IGFL2: variants seen among roughly 807,000 people sequenced by gnomAD.
IGFL2 encodes the protein IGF like family member 2.
IGFL2 carries 7 observed loss-of-function variants against 13.9 expected under a neutral mutation model. The observed-to-expected ratio is 0.51, with a 90% confidence interval of 0.29 to 0.95. IGFL2 has a LOEUF of 0.95. Among genes scored for constraint, IGFL2 ranks in the 40% least tolerant of loss-of-function variants. IGFL2 has a pLI of 0.08. For synonymous variants in IGFL2, 55 were observed against 55.8 expected (o/e 0.99, Z 0.07); for missense variants, 138 against 147.8 (o/e 0.93, Z 0.34).
chr19:46,117,135 A>G, the IGFL2 span, among the ~76,000 whole-genome samples: 1 of 152,194 alleles, frequency 6.6e-6, no homozygotes, highest in Non-Finnish European at 1.5e-5. Context: ...TATTTTTAAA[A>G]TAATTTTAAG....
chr19:46,144,606 T>C (rs1348519978), upstream of IGFL2, among the ~76,000 whole-genome samples: 3 of 152,226 alleles, frequency 2.0e-5, no homozygotes, highest in Non-Finnish European at 4.4e-5. Context: ...GTATAAAATA[T>C]GTATTCAAAA....
the IGFL2 span, among the ~76,000 whole-genome samples, chr19:46,194,830 TTATA>T: frequency 0.012 from 578 of 46,758 alleles, 38 homozygotes; most frequent in African/African-American, 0.042. Context: ...CTTCCTCATT[TTATA>T]TATATATATA....
chr19:46,172,640 C>T, the IGFL2 span, among the ~76,000 whole-genome samples: 1 of 152,212 alleles, frequency 6.6e-6, no homozygotes, highest in Non-Finnish European at 1.5e-5. Context: ...TTTTAAATGC[C>T]AGCTTTAGCC....
chr19:46,101,689 C>T, the IGFL2 span, among the ~76,000 whole-genome samples: 1 of 152,244 alleles, frequency 6.6e-6, no homozygotes, highest in African/African-American at 2.4e-5. Flanking sequence ...AAGCAGCAGG[C>T]AGCTGCAGTT....
At chr19:46,194,848 ATATATTTTTTTTTTTTTTTT>A in the IGFL2 span, among the ~76,000 whole-genome samples, 568 of 33,970 alleles carry the variant, frequency 0.017, 16 homozygotes, top group East Asian at 0.11. Context: ...ATATATATAT[ATATATTTTTTTTTTTTTTTT>A]TTTTTTTTTT....
upstream of IGFL2, among the ~76,000 whole-genome samples, chr19:46,139,277 G>A (rs1160150201): frequency 6.6e-6 from 1 of 150,388 alleles, no homozygotes; most frequent in Non-Finnish European, 1.5e-5. Context: ...TCAGTCCCTT[G>A]GTGGGAGAAG....
the IGFL2 span, among the ~76,000 whole-genome samples, chr19:46,166,479 C>T: frequency 3.0e-4 from 46 of 152,228 alleles, 1 homozygote; most frequent in East Asian, 5.2e-3. Flanking sequence ...AGGACTGAGG[C>T]GAAATTAAAA....
the IGFL2 span, among the ~76,000 whole-genome samples, chr19:46,094,328 T>C: frequency 7.2e-4 from 109 of 152,120 alleles, no homozygotes; most frequent in African/African-American, 2.6e-3. Flanking sequence ...AGAAAACTTA[T>C]TTTGCAGAGG....
chr19:46,148,716 T>G (rs1227377668), intron 1 of IGFL2: 7 of 640,848 alleles, frequency 1.1e-5, no homozygotes, highest in South Asian at 4.1e-5. Context: ...TAGGTGAGAA[T>G]GGGTGTGGTG....
chr19:46,094,440 A>G, the IGFL2 span, among the ~76,000 whole-genome samples: 1 of 152,142 alleles, frequency 6.6e-6, no homozygotes, highest in African/African-American at 2.4e-5. Context: ...GCTGAAAGTG[A>G]AAGTCTCCAT....
chr19:46,198,785 G>A, the IGFL2 span, among the ~76,000 whole-genome samples: 19 of 152,304 alleles, frequency 1.2e-4, no homozygotes, highest in Admixed American at 5.9e-4. Context: ...GCAAAGAGAG[G>A]TGTTTAGGCT....
chr19:46,198,744 A>G, the IGFL2 span, among the ~76,000 whole-genome samples: 14 of 152,150 alleles, frequency 9.2e-5, no homozygotes, highest in Admixed American at 1.3e-4. Context: ...ATGCTCGGAG[A>G]AAATGAGTGA....
At chr19:46,176,389 C>T in the IGFL2 span, among the ~76,000 whole-genome samples, 6 of 152,246 alleles carry the variant, frequency 3.9e-5, no homozygotes, top group Admixed American at 2.0e-4. Flanking sequence ...TGAGGCCACT[C>T]GCCCACTTGG....
the IGFL2 span, among the ~76,000 whole-genome samples, chr19:46,183,185 C>G: frequency 6.6e-6 from 1 of 152,120 alleles, no homozygotes; most frequent in African/African-American, 2.4e-5. Context: ...GGGGACGTGC[C>G]ACATTTTTAA....
At chr19:46,193,684 C>G in the IGFL2 span, among the ~76,000 whole-genome samples, 7,473 of 152,250 alleles carry the variant, frequency 0.049, 271 homozygotes, top group Non-Finnish European at 0.079. Flanking sequence ...GCTTTGTGTC[C>G]TACCTCAAAC....
the IGFL2 span, among the ~76,000 whole-genome samples, chr19:46,101,451 C>A: frequency 4.6e-5 from 7 of 152,206 alleles, no homozygotes. Context: ...GGAGGCCTCG[C>A]CCAGTGAGGA....
chr19:46,112,733 A>T, the IGFL2 span, among the ~76,000 whole-genome samples: 1 of 152,224 alleles, frequency 6.6e-6, no homozygotes, highest in Non-Finnish European at 1.5e-5. Flanking sequence ...TGTCGCTGTG[A>T]TGGCTGCCAG....
At chr19:46,148,033 C>G (rs1973233057), upstream of IGFL2, 1 of 474,742 alleles carries the variant, frequency 2.1e-6, no homozygotes, top group Non-Finnish European at 3.7e-6. Context: ...GAAGCCTTTA[C>G]TCTGAGATTT....
At chr19:46,123,074 A>G in the IGFL2 span, among the ~76,000 whole-genome samples, 5 of 151,056 alleles carry the variant, frequency 3.3e-5, no homozygotes, top group Admixed American at 2.0e-4. Flanking sequence ...AAAGATTGGT[A>G]TACCACCACT....
Sources: allele counts gnomAD v4.1 joint callset (sites outside exome capture counted in the v4.1 genomes callset), GRCh38; gene constraint gnomAD v4.1.1; transcripts MANE v1.5; gene names NCBI Gene and HGNC (gene_info 2026-07-23, HGNC 2026-07-21).